Variants in C9 observed in about 807,000 individuals in gnomAD.
The protein encoded by C9 is complement component C9.
In C9, 63 loss-of-function variants were observed where a neutral mutation model predicts 65.4. The observed-to-expected ratio is 0.96, with a 90% CI of 0.79 to 1.19. The LOEUF is 1.19. C9 is among the 50% of genes most tolerant of loss of function. The pLI is 0.00. For missense variants in C9, 744 were observed against 670.1 expected (o/e 1.11, Z -1.22); for synonymous variants, 229 against 227.9 (o/e 1.00, Z -0.04).
chr5:39,284,808 G>C lies in C9; in HGVS notation c.*391C>G, dbSNP rs759993532. 1 of 249,308 alleles carries C rather than the reference G, an allele frequency of 4.0e-6. No individual in the cohort carries two copies. Among genetic ancestry groups the C allele is most frequent in the Non-Finnish European group, 7.8e-6 (1 of 127,442 alleles). 15.4% of individuals were successfully genotyped at this position (249,308 alleles called of 1,614,324 possible). ...ATGTAAATAAGAGTTAAATTGCATG[G>C]TACAGACGTGTGGTCATGGACCTGG... On this transcript the variant is annotated 3_prime_UTR_variant, in exon 11 of 11. Transcript: ENST00000263408.
intron 9 of C9, among the ~76,000 whole-genome samples, chr5:39,297,688 C>T (rs1561333442): frequency 6.6e-6 from 1 of 151,412 alleles, no homozygotes; most frequent in Non-Finnish European, 1.5e-5. Context: ...TGTGTATGCA[C>T]CCAATGACAG....
intron 8 of C9, among the ~76,000 whole-genome samples, chr5:39,307,781 C>T (rs1219165800): frequency 6.6e-6 from 1 of 151,986 alleles, no homozygotes. Context: ...AGGTTAGGCA[C>T]CAATTTAAAG....
At chr5:39,294,521 T>C (rs1225651643) in intron 9 of C9, among the ~76,000 whole-genome samples, 1 of 151,748 alleles carries the variant, frequency 6.6e-6, no homozygotes, top group Non-Finnish European at 1.5e-5. Flanking sequence ...CAAGAATAAA[T>C]AGAATACCTG....
chr5:39,337,778 G>T (rs1199669244), intron 4 of C9, among the ~76,000 whole-genome samples: 1 of 152,248 alleles, frequency 6.6e-6, no homozygotes, highest in Non-Finnish European at 1.5e-5. Flanking sequence ...ATAAGAGGCT[G>T]AAACATTTGT....
intron 1 of C9, among the ~76,000 whole-genome samples, chr5:39,352,084 A>T (rs553945974): frequency 1.3e-5 from 2 of 152,306 alleles, no homozygotes; most frequent in East Asian, 3.9e-4. Flanking sequence ...TGGAAGGGTG[A>T]AGGGGAAGCA....
intron 1 of C9, among the ~76,000 whole-genome samples, chr5:39,360,834 A>G (rs1754504199): frequency 6.6e-6 from 1 of 152,146 alleles, no homozygotes; most frequent in African/African-American, 2.4e-5. Context: ...AAGTACTCTT[A>G]CTCTGCTGGT....
chr5:39,309,166 A>T (rs1173849718), intron 7 of C9, among the ~76,000 whole-genome samples: 1 of 122,020 alleles, frequency 8.2e-6, no homozygotes, highest in African/African-American at 3.6e-5. Flanking sequence ...TGCAATTCAT[A>T]AAAAAAATAA....
rs559278626 is a variant in C9, at chr5:39,309,975, A to T, written c.1111+1162T>A. On this transcript the variant is annotated intron_variant, in intron 7 of 10. Transcript: ENST00000263408. Reference sequence around the variant, plus strand: ...TCCTCTTGTACCCTTCCCTTACGTGATATCTCCATCAATATAGCTTCCAGG... The same window carrying T: ...TCCTCTTGTACCCTTCCCTTACGTGTTATCTCCATCAATATAGCTTCCAGG... Among the ~76,000 whole-genome samples the T allele has an allele frequency of 4.6e-5, 7 of 152,140 alleles. No homozygotes were observed. In the South Asian group the frequency reaches 1.2e-3, roughly 27 times the overall value.
At chr5:39,296,927 G>A (rs1261474860) in intron 9 of C9, among the ~76,000 whole-genome samples, 1 of 151,206 alleles carries the variant, frequency 6.6e-6, no homozygotes, top group East Asian at 1.9e-4. Context: ...GGATACTAGA[G>A]GTTGGGAAGG....
chr5:39,308,227 T>C lies in C9; in HGVS notation c.1240+3A>G. ...AAAATCTAACAAGTGAGGCCACACT[T>C]ACCAGCTCTACCCTCTCCCCTCTTT... On this transcript the variant is annotated splice_donor_region_variant and intron_variant, in intron 8 of 10. Transcript: ENST00000263408. 1 of 1,613,096 alleles carries C rather than the reference T, an allele frequency of 6.2e-7. No individual in the cohort carries two copies. The highest frequency in any genetic ancestry group is 8.5e-7 in the Non-Finnish European group (1 of 1,179,166).
Position 39,284,910 on chromosome 5 carries a change from A to G in C9, c.*289T>C. ...AAACCAACATTCTGTTTTTAATTTA[A>G]TTTTGTTTTTTTTTAGAAGAGATTG... is the stretch of plus-strand genomic sequence containing the variant. On this transcript the variant is annotated 3_prime_UTR_variant, in exon 11 of 11. Transcript: ENST00000263408. The G allele has an allele frequency of 2.4e-6, 1 of 409,538 alleles. No homozygotes were observed. Among genetic ancestry groups the G allele is most frequent in the Non-Finnish European group, 4.4e-6 (1 of 228,218 alleles). 25.4% of individuals were successfully genotyped at this position (409,538 alleles called of 1,614,324 possible). A position where few individuals can be genotyped will look rare whatever the true frequency, so the allele number is the denominator to read the frequency against.
chr5:39,302,987 T>A (rs996186886), intron 9 of C9, among the ~76,000 whole-genome samples: 14 of 152,120 alleles, frequency 9.2e-5, no homozygotes, highest in African/African-American at 3.1e-4. Flanking sequence ...AACAGTAGAT[T>A]ACATAACTTT....
intron 9 of C9, among the ~76,000 whole-genome samples, chr5:39,296,229 C>T (rs143901096): frequency 7.3e-5 from 11 of 151,396 alleles, no homozygotes; most frequent in African/African-American, 1.9e-4. Flanking sequence ...ACAATCAACA[C>T]GTGACCTGCA....
At chr5:39,315,116 T>C (rs1158758669) in intron 6 of C9, among the ~76,000 whole-genome samples, 1 of 152,180 alleles carries the variant, frequency 6.6e-6, no homozygotes, top group Non-Finnish European at 1.5e-5. Flanking sequence ...AGGCATCATA[T>C]AAGTACTAAG....
intron 6 of C9, among the ~76,000 whole-genome samples, chr5:39,313,123 C>T (rs1046259567): frequency 6.6e-6 from 1 of 152,124 alleles, no homozygotes; most frequent in African/African-American, 2.4e-5. Context: ...TCCAAATATG[C>T]AGTTGTTTCT....
chr5:39,353,627 T>C (rs1271707756), intron 1 of C9, among the ~76,000 whole-genome samples: 2 of 152,368 alleles, frequency 1.3e-5, no homozygotes, highest in East Asian at 1.9e-4. Context: ...TCATATTTCA[T>C]TGAATTAATT....
At chr5:39,343,242 G>C (rs372043279) in intron 1 of C9, among the ~76,000 whole-genome samples, 1 of 152,180 alleles carries the variant, frequency 6.6e-6, no homozygotes, top group African/African-American at 2.4e-5. Flanking sequence ...CGCCTCACCC[G>C]GGAAGTGCAA....
At chr5:39,294,606 T>G (rs181488796) in intron 9 of C9, among the ~76,000 whole-genome samples, 1 of 151,886 alleles carries the variant, frequency 6.6e-6, no homozygotes, top group Non-Finnish European at 1.5e-5. Context: ...CAGGACCAGA[T>G]GGCTTCAATG....
intron 9 of C9, among the ~76,000 whole-genome samples, chr5:39,306,217 C>T (rs998197956): frequency 2.0e-5 from 3 of 150,186 alleles, no homozygotes; most frequent in Non-Finnish European, 4.4e-5. Context: ...CTGTGTTAGA[C>T]GTGATAGTGG....
Sources: allele counts gnomAD v4.1 joint callset (sites outside exome capture counted in the v4.1 genomes callset), GRCh38; gene constraint gnomAD v4.1.1; transcripts MANE v1.5; gene names NCBI Gene and HGNC (gene_info 2026-07-23, HGNC 2026-07-21).